The following AIG1 variants were observed in gnomAD, a reference collection of about 807,000 sequenced individuals.
The protein encoded by AIG1 is androgen induced 1.
AIG1 carries 23 observed loss-of-function variants against 31.4 expected under a neutral mutation model. The observed-to-expected ratio is 0.73, with a 90% CI of 0.53 to 1.04. The LOEUF is 1.04. Ranked by LOEUF, AIG1 falls within the 50% of genes least tolerant of loss-of-function variation. AIG1 has a pLI of 0.00. For synonymous variants in AIG1, 100 were observed against 110.5 expected (o/e 0.90, Z 0.60); for missense variants, 274 against 295.0 (o/e 0.93, Z 0.52).
At chr6:143,336,021 C>G (rs1404261795) in intron 5 of AIG1, among the ~76,000 whole-genome samples, 1 of 151,942 alleles carries the variant, frequency 6.6e-6, no homozygotes, top group Non-Finnish European at 1.5e-5. Context: ...CTAACTTTCC[C>G]TCGTTCTCAC....
Position 143,288,931 on chromosome 6 carries a change from G to A in AIG1, c.515+4706G>A, listed in dbSNP as rs376537865. Among the ~76,000 whole-genome samples, 2 of 152,220 alleles carry A rather than the reference G, an allele frequency of 1.3e-5. No homozygotes were observed. Among genetic ancestry groups the A allele is most frequent in the East Asian group, 3.8e-4 (2 of 5,200 alleles). ...AATTCAAAGATTTCTGTGGTTGGGAGTTGTTTGAAAGAGTTAAGCTTTGTC... is the reference window on the plus strand; with the variant it reads ...AATTCAAAGATTTCTGTGGTTGGGAATTGTTTGAAAGAGTTAAGCTTTGTC... On this transcript the variant is annotated intron_variant, in intron 4 of 5. Transcript: ENST00000357847. This position sits in a 1 kb window ranked among gnomAD's most constrained non-coding sequence, Gnocchi z 4.4.
chr6:143,080,833 G>A (rs550501108), intron 1 of AIG1, among the ~76,000 whole-genome samples: 60 of 152,066 alleles, frequency 3.9e-4, no homozygotes, highest in Non-Finnish European at 5.6e-4. Context: ...ACTTAACTGC[G>A]GTTAGGGTAG....
At chr6:143,339,105 A>C (rs1300683621) in intron 5 of AIG1, 2 of 152,318 alleles carry the variant, frequency 1.3e-5, no homozygotes, top group South Asian at 2.1e-4. Flanking sequence ...TTTAAGATTC[A>C]TGAGTATGGA....
chr6:143,117,208 G>T (rs149681262), intron 1 of AIG1, among the ~76,000 whole-genome samples: 107 of 152,238 alleles, frequency 7.0e-4, no homozygotes, highest in Non-Finnish European at 1.2e-3. Context: ...AGCAGAGCGT[G>T]TATGGGGTGC....
At chr6:143,320,621 A>G (rs1776128143) in intron 4 of AIG1, among the ~76,000 whole-genome samples, 1 of 152,196 alleles carries the variant, frequency 6.6e-6, no homozygotes, top group African/African-American at 2.4e-5. Flanking sequence ...TCCCACTTAT[A>G]TCAAGAATAT....
At chr6:143,097,096 CA>C (rs1779862650) in intron 1 of AIG1, among the ~76,000 whole-genome samples, 1 of 150,884 alleles carries the variant, frequency 6.6e-6, no homozygotes, top group Non-Finnish European at 1.5e-5. Context: ...ACCTTAGGCA[CA>C]AATAGAAAGG....
At chr6:143,192,421 A>G (rs752236289) in intron 3 of AIG1, among the ~76,000 whole-genome samples, 15 of 152,262 alleles carry the variant, frequency 9.9e-5, no homozygotes, top group Middle Eastern at 3.4e-3. Context: ...CCTGGCCAAC[A>G]TGGTGAAACC....
intron 3 of AIG1, among the ~76,000 whole-genome samples, chr6:143,166,685 A>G (rs1473053891): frequency 1.3e-5 from 2 of 152,248 alleles, no homozygotes; most frequent in African/African-American, 2.4e-5. Flanking sequence ...TGAATTCGCT[A>G]TAGCCAATTT....
At chr6:143,088,748 C>T (rs1779030822) in intron 1 of AIG1, among the ~76,000 whole-genome samples, 1 of 152,138 alleles carries the variant, frequency 6.6e-6, no homozygotes, top group Admixed American at 6.5e-5. Flanking sequence ...ATGCAATGAA[C>T]ACAGATCTAC....
At chr6:143,311,586 A>C (rs1775278366) in intron 4 of AIG1, among the ~76,000 whole-genome samples, 1 of 151,940 alleles carries the variant, frequency 6.6e-6, no homozygotes, top group Non-Finnish European at 1.5e-5. Flanking sequence ...ATGCACAAGA[A>C]GAATTTGATA....
intron 1 of AIG1, among the ~76,000 whole-genome samples, chr6:143,103,653 G>A (rs1011623386): frequency 2.7e-4 from 41 of 150,172 alleles, no homozygotes; most frequent in Non-Finnish European, 4.8e-4. Flanking sequence ...GACTACAGGC[G>A]CCCGCCACTA....
At chr6:143,229,991 T>C (rs1281135422) in intron 3 of AIG1, among the ~76,000 whole-genome samples, 1 of 152,298 alleles carries the variant, frequency 6.6e-6, no homozygotes, top group African/African-American at 2.4e-5. Flanking sequence ...CCTGAGCTCA[T>C]AGAACTTTCC....
In AIG1 at chr6:143,113,207, G is replaced by GA. The variant is rs568776043; in HGVS notation, c.142-23617dup. ...CCCTGAAAGACCCTGTCTCAAAAAA[G>GA]AAAAAAAAAAAGAGAAAAAAGGCGT... On this transcript the variant is annotated intron_variant, in intron 1 of 5. Coordinates refer to ENST00000357847, the MANE Select transcript of AIG1 (RefSeq NM_016108.4). Among the ~76,000 whole-genome samples, 508 of 123,652 alleles carry GA rather than the reference G, an allele frequency of 4.1e-3. 3 individuals are homozygous for GA. The highest frequency in any genetic ancestry group is 0.012 in the African/African-American group (388 of 33,704). The allele number at this position is 123,652 out of a possible 152,430, so 81.1% of individuals were successfully genotyped here.
intron 3 of AIG1, among the ~76,000 whole-genome samples, chr6:143,192,823 A>T (rs548067655): frequency 2.0e-5 from 3 of 152,232 alleles, no homozygotes; most frequent in African/African-American, 7.2e-5. Flanking sequence ...TTGTATGAAC[A>T]TTCAAGTCCA....
At chr6:143,324,477 A>G (rs955041877) in intron 4 of AIG1, among the ~76,000 whole-genome samples, 1 of 152,196 alleles carries the variant, frequency 6.6e-6, no homozygotes, top group Non-Finnish European at 1.5e-5. Context: ...TTAAAAGAAA[A>G]GCTTTCCAGA....
At chr6:143,128,017 A>G (rs774591650) in intron 1 of AIG1, among the ~76,000 whole-genome samples, 2 of 152,176 alleles carry the variant, frequency 1.3e-5, no homozygotes, top group Non-Finnish European at 2.9e-5. Flanking sequence ...GATATTGAAG[A>G]TGATGTAATG....
intron 3 of AIG1, among the ~76,000 whole-genome samples, chr6:143,174,764 C>A (rs753134232): frequency 3.3e-5 from 5 of 151,878 alleles, no homozygotes; most frequent in Non-Finnish European, 7.4e-5. Context: ...ATCCATTCTG[C>A]CATTTTGTGT....
intron 3 of AIG1, among the ~76,000 whole-genome samples, chr6:143,262,373 G>A (rs952301843): frequency 6.6e-6 from 1 of 152,146 alleles, no homozygotes; most frequent in African/African-American, 2.4e-5. Flanking sequence ...ATTTGCTGTG[G>A]GAGAAACTCT....
chr6:143,274,162 C>G (rs543591387), intron 3 of AIG1, among the ~76,000 whole-genome samples: 1 of 152,296 alleles, frequency 6.6e-6, no homozygotes, highest in African/African-American at 2.4e-5. Flanking sequence ...CCAGGCACAG[C>G]CATGACACAG....
Sources: gnomAD v4.1 joint callset for allele counts (sites outside exome capture counted in the v4.1 genomes callset) on GRCh38, gnomAD v4.1.1 for gene constraint, Gnocchi (gnomAD v3.1) non-coding constraint, MANE v1.5 for transcripts, NCBI Gene and HGNC (gene_info 2026-07-23, HGNC 2026-07-21) for gene names.